Variants in VDR observed in about 807,000 individuals in gnomAD.
The protein encoded by VDR is vitamin D receptor.
In VDR, 19 loss-of-function variants were observed where a neutral mutation model predicts 39.7. The observed-to-expected ratio is 0.48, with a 90% CI of 0.33 to 0.70. The LOEUF is 0.70. Ranked by LOEUF, VDR falls within the 30% of genes least tolerant of loss-of-function variation. The pLI is 0.02. For missense variants in VDR, 442 were observed against 570.5 expected (o/e 0.77, Z 2.29); for synonymous variants, 242 against 215.8 (o/e 1.12, Z -1.07).
intron 4 of VDR, among the ~76,000 whole-genome samples, chr12:47,861,584 A>G (rs927769374): frequency 2.6e-5 from 4 of 152,244 alleles, no homozygotes; most frequent in Admixed American, 6.5e-5. Context: ...CATTACTATC[A>G]TATAGGAAGA....
At chr12:47,859,109 G>C (rs907194469) in intron 4 of VDR, among the ~76,000 whole-genome samples, 1 of 152,230 alleles carries the variant, frequency 6.6e-6, no homozygotes, top group East Asian at 1.9e-4. Context: ...GGGGCAGGGA[G>C]CATCCAGGGA....
intron 3 of VDR, among the ~76,000 whole-genome samples, chr12:47,868,360 C>T (rs1945779372): frequency 6.6e-6 from 1 of 152,238 alleles, no homozygotes; most frequent in African/African-American, 2.4e-5. Context: ...TGGAGCAGCA[C>T]CAGGCTATCA....
At chr12:47,870,037 T>C (rs1190822392) in intron 3 of VDR, among the ~76,000 whole-genome samples, 2 of 152,112 alleles carry the variant, frequency 1.3e-5, no homozygotes, top group Non-Finnish European at 2.9e-5. Context: ...GTGGGGTCAG[T>C]GTTCAGGGTA....
rs1397285054 is a variant in VDR at position 47,882,821 on chromosome 12, C to T, written c.-83-47G>A. On this transcript the variant is annotated intron_variant, in intron 1 of 9. Transcript: ENST00000549336. ...CTTTTATCTAAGGCGGAGCGCTGAC[C>T]GCCTCCCCAGTCTCTAAGGAAGTGG... 3.4e-6 allele frequency: 5 copies of T among 1,475,546 alleles called. No individual in the cohort carries two copies. The African/African-American group carries it at 4.2e-5, about 12-fold the overall frequency. The allele number at this position is 1,475,546 out of a possible 1,614,324, so 91.4% of individuals were successfully genotyped here. A position where few individuals can be genotyped will look rare whatever the true frequency, so the allele number is the denominator to read the frequency against.
At chr12:47,904,462 TAAAAAAAAAAA>T (rs17886628) in intron 1 of VDR, 6 of 357,636 alleles carry the variant, frequency 1.7e-5, no homozygotes, top group South Asian at 1.5e-4. Flanking sequence ...CAAAGAAAAG[TAAAAAAAAAAA>T]AAAAAAAAAA....
At chr12:47,850,513 T>C (rs993465728) in intron 7 of VDR, among the ~76,000 whole-genome samples, 1 of 152,262 alleles carries the variant, frequency 6.6e-6, no homozygotes, top group South Asian at 2.1e-4. Flanking sequence ...GAGGTTTTAG[T>C]GGGATCACTG....
intron 1 of VDR, among the ~76,000 whole-genome samples, chr12:47,885,459 G>T (rs551789738): frequency 6.6e-6 from 1 of 152,326 alleles, no homozygotes; most frequent in South Asian, 2.1e-4. Flanking sequence ...GGGCCATCTC[G>T]CCTACGGCAG....
chr12:47,872,734 G>A (rs1945908445), intron 3 of VDR, among the ~76,000 whole-genome samples: 1 of 152,096 alleles, frequency 6.6e-6, no homozygotes, highest in South Asian at 2.1e-4. Flanking sequence ...AGAGACCACT[G>A]CCAACACATC....
chr12:47,872,211 G>A (rs1945898142), intron 3 of VDR, among the ~76,000 whole-genome samples: 1 of 152,210 alleles, frequency 6.6e-6, no homozygotes, highest in Non-Finnish European at 1.5e-5. Context: ...CCTTGGGCAA[G>A]TTACTTAACC....
In VDR at chr12:47,857,624, C is replaced by T. The variant is rs1406091090; in HGVS notation, c.342G>A (p.Glu114=). ...REMILKRKEE[E]ALKDSLRPKL... is the part of the protein sequence containing the mutation. ...TGGGCCGCAGACTGTCCTTCAAGGC[C>T]TCCTCCTCCTTCCGCTTCAGGATCA... The change falls in exon 5 of 10, where the codon GAG becomes GAA. Residue 114 remains glutamate (E), a synonymous_variant. Transcript: ENST00000549336. 3.1e-6 allele frequency: 5 copies of T among 1,614,038 alleles called. No individual in the cohort carries two copies. Among genetic ancestry groups the T allele is most frequent in the Non-Finnish European group, 4.2e-6 (5 of 1,180,016 alleles).
At chr12:47,893,793 C>T (rs188799475) in intron 1 of VDR, among the ~76,000 whole-genome samples, 5 of 152,354 alleles carry the variant, frequency 3.3e-5, no homozygotes, top group East Asian at 1.9e-4. Context: ...ACAAACAACA[C>T]TCACCACAGA....
intron 7 of VDR, among the ~76,000 whole-genome samples, chr12:47,848,939 A>G (rs12314197): frequency 0.064 from 9,700 of 152,216 alleles, 1,049 homozygotes; most frequent in African/African-American, 0.22. Context: ...TGTTGCCCAC[A>G]CACTGACCAT....
At chr12:47,873,380 T>TTTTTG in intron 3 of VDR, among the ~76,000 whole-genome samples, 1 of 129,862 alleles carries the variant, frequency 7.7e-6, no homozygotes, top group African/African-American at 2.8e-5. Flanking sequence ...TTTTTTTTTT[T>TTTTTG]GAGACGGAGT....
chr12:47,904,671 G>A, intron 1 of VDR: 1 of 1,517,914 alleles, frequency 6.6e-7, no homozygotes. Flanking sequence ...AATACTTCTT[G>A]TTGCCCAAGT....
intron 1 of VDR, among the ~76,000 whole-genome samples, chr12:47,894,531 G>A (rs567030023): frequency 4.6e-5 from 7 of 152,242 alleles, no homozygotes; most frequent in South Asian, 2.1e-4. Flanking sequence ...GTCCGTCTCC[G>A]CCCCTGGGTG....
chr12:47,849,534 C>T (rs1945343857), intron 7 of VDR, among the ~76,000 whole-genome samples: 1 of 152,240 alleles, frequency 6.6e-6, no homozygotes, highest in Admixed American at 6.5e-5. Context: ...GACTTCTCCA[C>T]TAGCCATGGG....
chr12:47,871,773 G>A (rs1199504215), intron 3 of VDR, among the ~76,000 whole-genome samples: 2 of 152,164 alleles, frequency 1.3e-5, no homozygotes, highest in Non-Finnish European at 2.9e-5. Context: ...CCAGGCACTG[G>A]TTTCTTATCT....
intron 2 of VDR, among the ~76,000 whole-genome samples, chr12:47,879,755 G>T (rs1946105016): frequency 6.6e-6 from 1 of 152,118 alleles, no homozygotes; most frequent in Non-Finnish European, 1.5e-5. Flanking sequence ...AACATTTCAA[G>T]ATATTTCCCC....
chr12:47,867,871 C>T (rs1945770059), intron 3 of VDR, among the ~76,000 whole-genome samples: 1 of 152,162 alleles, frequency 6.6e-6, no homozygotes, highest in South Asian at 2.1e-4. Flanking sequence ...AGGGGAATCG[C>T]ACTCATCAAT....
Sources: gnomAD v4.1 joint callset for allele counts (sites outside exome capture counted in the v4.1 genomes callset) on GRCh38, gnomAD v4.1.1 for gene constraint, MANE v1.5 for transcripts, NCBI Gene and HGNC (gene_info 2026-07-23, HGNC 2026-07-21) for gene names.